The following ZNF672 variants were observed in gnomAD, a reference collection of about 807,000 sequenced individuals.
The protein encoded by ZNF672 is hypothetical protein FLJ22301.
For missense variants in ZNF672, 733 were observed against 701.1 expected (o/e 1.05, Z -0.51); for synonymous variants, 358 against 305.6 (o/e 1.17, Z -1.79).
Position 248,848,350 on chromosome 1 carries a change from G to C in ZNF672, c.1076G>C (p.Arg359Pro). The C allele has an allele frequency of 6.2e-7, 1 of 1,601,330 alleles. No individual in the cohort carries two copies. The highest frequency in any genetic ancestry group is 8.5e-7 in the Non-Finnish European group (1 of 1,179,746). Residue 359 changes from arginine to proline, a missense_variant, in exon 4 of 4, where the codon CGC becomes CCC. Transcript: ENST00000306562. ...GTGTCCAATCTCAACGTGCATCGGC[G>C]CAACCATGCCGGCCACAAGCCACAC... The part of the protein sequence containing the change: ...TCVSNLNVHR[R>P]NHAGHKPHKC...
chr1:248,849,338 T>A lies in ZNF672; in HGVS notation c.*705T>A, dbSNP rs1172914896. 5.6e-6 allele frequency: 2 copies of A among 360,132 alleles called. No homozygotes were observed. Among genetic ancestry groups the A allele is most frequent in the Non-Finnish European group, 1.1e-5 (2 of 176,054 alleles). 22.3% of individuals were successfully genotyped at this position (360,132 alleles called of 1,614,324 possible). A position where few individuals can be genotyped will look rare whatever the true frequency, so the allele number is the denominator to read the frequency against. ...TGTTCCCCAGCCAGGTGAGGACCAT[T>A]TTCACTGGGACCCAGGCCAAAACCA... On this transcript the variant is annotated 3_prime_UTR_variant, in exon 4 of 4. Transcript: ENST00000306562.
rs564605003 is a variant in ZNF672, at chr1:248,848,417, G to C, written c.1143G>C (p.Lys381Asn). Residue 381 changes from lysine to asparagine, a missense_variant, in exon 4 of 4, where the codon AAG becomes AAC. Transcript: ENST00000306562. ...ECSKAFSVAS[K>N]LALHRKTHLG... ...GCAAGGCCTTCAGCGTCGCCTCCAA[G>C]CTTGCACTGCACCGCAAGACGCACC... The C allele has an allele frequency of 3.7e-6, 6 of 1,606,370 alleles. No individual in the cohort carries two copies. The highest frequency in any genetic ancestry group is 4.2e-6 in the Non-Finnish European group (5 of 1,179,762).
At chr1:248,839,732 ATTTTTT>A (rs774234469) in intron 1 of ZNF672, among the ~76,000 whole-genome samples, 3 of 113,896 alleles carry the variant, frequency 2.6e-5, no homozygotes, top group East Asian at 5.3e-4. Flanking sequence ...AGTGTTAGCA[ATTTTTT>A]TTTTTTTTTT....
Position 248,849,199 on chromosome 1 carries a change from C to A in ZNF672, c.*566C>A. 2.4e-6 allele frequency: 1 copy of A among 423,986 alleles called. No homozygotes were observed. The allele number at this position is 423,986 out of a possible 1,614,324, so 26.3% of individuals were successfully genotyped here. A position where few individuals can be genotyped will look rare whatever the true frequency, so the allele number is the denominator to read the frequency against. On this transcript the variant is annotated 3_prime_UTR_variant, in exon 4 of 4. Transcript: ENST00000306562. ...AGCTCACTTCCATGAAGGATGTCTC[C>A]ATGCTAGGAGCTGCCTGCACCCTGG...
chr1:248,840,199 C>A (rs925914582), intron 1 of ZNF672, among the ~76,000 whole-genome samples: 1 of 152,146 alleles, frequency 6.6e-6, no homozygotes, highest in Non-Finnish European at 1.5e-5. Flanking sequence ...AAGCGATTCT[C>A]CTGCTTCAGC....
At position 248,848,024 on chromosome 1, in the gene ZNF672, G is replaced by A. The variant is rs1248568908; in HGVS notation, c.750G>A (p.Thr250=). The A allele has an allele frequency of 4.5e-6, 7 of 1,555,990 alleles. No homozygotes were observed. The highest frequency in any genetic ancestry group is 1.7e-4 in the Middle Eastern group (1 of 6,006). ...TGGTGCGCCACCAGCGCACACACACGGGCGAGAAGCCGTACGCATGTGGCG... is the reference window on the plus strand; with the variant it reads ...TGGTGCGCCACCAGCGCACACACACAGGCGAGAAGCCGTACGCATGTGGCG... ...ATLVRHQRTH[T]GEKPYACGDC... Residue 250 remains threonine (T), a synonymous_variant, in exon 4 of 4, where the codon ACG becomes ACA. Transcript: ENST00000306562.
intron 3 of ZNF672, among the ~76,000 whole-genome samples, chr1:248,845,958 G>T (rs950598042): frequency 2.6e-5 from 4 of 152,184 alleles, no homozygotes; most frequent in Non-Finnish European, 5.9e-5. Flanking sequence ...CTTGACTAGA[G>T]GGCATGTGAG....
chr1:248,849,004 T>C lies in ZNF672; in HGVS notation c.*371T>C. ...CTTTATTCTGTCTTCTCTTGTCCTATCTCATTCCAGCCCACATCTTCTCCT... is the reference window on the plus strand; with the variant it reads ...CTTTATTCTGTCTTCTCTTGTCCTACCTCATTCCAGCCCACATCTTCTCCT... On this transcript the variant is annotated 3_prime_UTR_variant, in exon 4 of 4. Coordinates refer to ENST00000306562, the MANE Select transcript of ZNF672 (RefSeq NM_024836.3). 1 of 534,682 alleles carries C rather than the reference T, an allele frequency of 1.9e-6. No homozygotes were observed. 33.1% of individuals were successfully genotyped at this position (534,682 alleles called of 1,614,324 possible). A position where few individuals can be genotyped will look rare whatever the true frequency, so the allele number is the denominator to read the frequency against.
rs568620195 is a variant in ZNF672 at position 248,847,557 on chromosome 1, C to T, written c.283C>T (p.Arg95Ter). 2.5e-6 allele frequency: 4 copies of T among 1,583,554 alleles called. No individual in the cohort carries two copies. Among genetic ancestry groups the T allele is most frequent in the South Asian group, 1.1e-5 (1 of 87,770 alleles). ...LDLHLGAHRQ[R>*]CRTCPCRTCG... ...CCTACACTTGGGCGCACACCGGCAGCGATGCCGCACTTGCCCCTGCCGCAC... is the reference window on the plus strand; with the variant it reads ...CCTACACTTGGGCGCACACCGGCAGTGATGCCGCACTTGCCCCTGCCGCAC... Residue 95 changes from arginine to a stop codon, truncating the protein, a stop_gained, in exon 4 of 4, where the codon CGA (arginine) becomes TGA (stop). Coordinates refer to ENST00000306562, the MANE Select transcript of ZNF672 (RefSeq NM_024836.3). LOFTEE classifies it low-confidence loss of function (END_TRUNC).
In ZNF672 at chr1:248,848,165, C is replaced by T; in HGVS notation, c.891C>T (p.Asp297=). The T allele has an allele frequency of 1.3e-6, 2 of 1,595,398 alleles. No individual in the cohort carries two copies. The highest frequency in any genetic ancestry group is 1.7e-6 in the Non-Finnish European group (2 of 1,175,064). The change falls in exon 4 of 4, where the codon GAC becomes GAT. Residue 297 remains aspartate (D), a synonymous_variant. Coordinates refer to ENST00000306562, the MANE Select transcript of ZNF672 (RefSeq NM_024836.3). ...TCGKGFGQRS[D]LVVHQRIHTG... ...GCAAGGGTTTCGGGCAGCGCTCCGA[C>T]CTGGTGGTGCACCAGCGCATCCACA...
At chr1:248,839,825 G>A (rs960295945) in intron 1 of ZNF672, among the ~76,000 whole-genome samples, 23 of 134,784 alleles carry the variant, frequency 1.7e-4, no homozygotes, top group African/African-American at 6.0e-4. Context: ...TGCAACCTCC[G>A]CCTCCTGGCC....
chr1:248,848,456 AGCGGAGTGC>A lies in ZNF672; in HGVS notation c.1185_1193del (p.Ala398_Cys400del), dbSNP rs762506633. ...GCAAGACGCACCTGGGCGAACGGCC[AGCGGAGTGC>A]GCAGAGTGCGGCAAGTGCTTCAGCC... On this transcript the variant is annotated inframe_deletion, in exon 4 of 4. Coordinates refer to ENST00000306562, the MANE Select transcript of ZNF672 (RefSeq NM_024836.3). The A allele has an allele frequency of 2.5e-6, 4 of 1,608,038 alleles. No individual in the cohort carries two copies. The highest frequency in any genetic ancestry group is 1.7e-6 in the Non-Finnish European group (2 of 1,178,576).
intron 1 of ZNF672, among the ~76,000 whole-genome samples, chr1:248,841,793 C>T (rs1048051356): frequency 1.3e-5 from 2 of 152,100 alleles, no homozygotes; most frequent in African/African-American, 4.8e-5. Flanking sequence ...TAGCTCGAGC[C>T]TGTAATCCCA....
At chr1:248,839,732 ATTTTTTTTTT>A (rs774234469) in intron 1 of ZNF672, among the ~76,000 whole-genome samples, 2 of 113,900 alleles carry the variant, frequency 1.8e-5, no homozygotes, top group Non-Finnish European at 3.4e-5. Context: ...AGTGTTAGCA[ATTTTTTTTTT>A]TTTTTTTTTT....
Position 248,847,412 on chromosome 1 carries a change from ATGCGGTGAGCGCTG to A in ZNF672, c.142_155del (p.Gly48ThrfsTer4). 6.3e-7 allele frequency: 1 copy of A among 1,596,044 alleles called. No individual in the cohort carries two copies. ...GTGACGGCCGCTTCCGTTGCCTAGA[ATGCGGTGAGCGCTG>A]TGCACGGGCTGCTGACCTCCGAGCG... On this transcript the variant is annotated frameshift_variant, in exon 4 of 4. Transcript: ENST00000306562. LOFTEE classifies it low-confidence loss of function (END_TRUNC).
Position 248,849,020 on chromosome 1 carries a change from A to G in ZNF672, c.*387A>G, listed in dbSNP as rs570931458. ...CTTGTCCTATCTCATTCCAGCCCAC[A>G]TCTTCTCCTTTCCTGATTACTTTTG... On this transcript the variant is annotated 3_prime_UTR_variant, in exon 4 of 4. Transcript: ENST00000306562. 1.9e-5 allele frequency: 10 copies of G among 512,844 alleles called. No homozygotes were observed. The highest frequency in any genetic ancestry group is 1.7e-4 in the East Asian group (3 of 17,620). 31.8% of individuals were successfully genotyped at this position (512,844 alleles called of 1,614,324 possible). A position where few individuals can be genotyped will look rare whatever the true frequency, so the allele number is the denominator to read the frequency against.
rs199840014 is a variant in ZNF672, at chr1:248,848,016, A to G, written c.742A>G (p.Thr248Ala). Residue 248 changes from threonine to alanine, a missense_variant, in exon 4 of 4, where the codon ACA (threonine) becomes GCA (alanine). Transcript: ENST00000306562. The stretch of plus-strand genomic sequence containing the variant: ...CGCCACGCTGGTGCGCCACCAGCGC[A>G]CACACACGGGCGAGAAGCCGTACGC... ...ESATLVRHQRTHTGEKPYACG... is the reference protein window; with the variant it reads ...ESATLVRHQRAHTGEKPYACG... 1.1e-4 allele frequency: 165 copies of G among 1,556,410 alleles called. No individual in the cohort carries two copies. Among genetic ancestry groups the G allele is most frequent in the Middle Eastern group, 3.3e-4 (2 of 6,002 alleles).
Position 248,846,980 on chromosome 1 carries a change from T to C in ZNF672, c.-223-72T>C, listed in dbSNP as rs1664770533. 36 of 405,738 alleles carry C rather than the reference T, an allele frequency of 8.9e-5. No individual in the cohort carries two copies. The South Asian group carries it at 1.2e-3, about 14-fold the overall frequency. 25.1% of individuals were successfully genotyped at this position (405,738 alleles called of 1,614,324 possible). A position where few individuals can be genotyped will look rare whatever the true frequency, so the allele number is the denominator to read the frequency against. On this transcript the variant is annotated intron_variant, in intron 3 of 3. Coordinates refer to ENST00000306562, the MANE Select transcript of ZNF672 (RefSeq NM_024836.3). ...GACTACCTAAAGAAGTTATAACAAATAGGGAGTTCGTGTTCCCCTCTCCAT... is the reference window on the plus strand; with the variant it reads ...GACTACCTAAAGAAGTTATAACAAACAGGGAGTTCGTGTTCCCCTCTCCAT...
At position 248,848,567 on chromosome 1, in the gene ZNF672, A is replaced by G. The variant is rs1213009757; in HGVS notation, c.1293A>G (p.Ala431=). ...CTGCCGCCGTTGCCATCCAGTCCGC[A>G]GTGGGCACTGCCCTCGTCTTTGAGG... The part of the protein sequence containing the change: ...RTAAAVAIQS[A]VGTALVFEGP... Residue 431 remains alanine, a synonymous_variant, in exon 4 of 4, where the codon GCA becomes GCG. Coordinates refer to ENST00000306562, the MANE Select transcript of ZNF672 (RefSeq NM_024836.3). 1.1e-5 allele frequency: 17 copies of G among 1,599,520 alleles called. No homozygotes were observed. The highest frequency in any genetic ancestry group is 1.4e-5 in the Non-Finnish European group (16 of 1,170,976).
Sources: allele counts gnomAD v4.1 joint callset (sites outside exome capture counted in the v4.1 genomes callset), GRCh38; gene constraint gnomAD v4.1.1; transcripts MANE v1.5; gene names NCBI Gene and HGNC (gene_info 2026-07-23, HGNC 2026-07-21).